The following EPHA5 variants were observed in gnomAD, a reference collection of about 807,000 sequenced individuals.
The protein encoded by EPHA5 is EPH receptor A5.
A neutral mutation model predicts 105.0 loss-of-function variants in EPHA5; 60 were observed. That is an observed-to-expected ratio of 0.57 (90% CI 0.46 to 0.71). EPHA5 has a LOEUF of 0.71. EPHA5 is among the 30% of genes least tolerant of loss of function. EPHA5 has a pLI of 0.00. For synonymous variants in EPHA5, 513 were observed against 449.1 expected, an observed-to-expected ratio of 1.14 and a Z score of -1.80; for missense variants, 1,218 against 1,274.7, an observed-to-expected ratio of 0.96 and a Z score of 0.68.
intron 3 of EPHA5, among the ~76,000 whole-genome samples, chr4:65,564,027 T>C (rs1192414773): frequency 6.6e-6 from 1 of 151,980 alleles, no homozygotes; most frequent in Non-Finnish European, 1.5e-5. Context: ...AACAAAATTA[T>C]CATCTGTTGT....
intron 2 of EPHA5, among the ~76,000 whole-genome samples, chr4:65,611,051 C>A (rs1220392966): frequency 6.6e-6 from 1 of 152,092 alleles, no homozygotes; most frequent in Non-Finnish European, 1.5e-5. Flanking sequence ...AGAGTGATTG[C>A]AATCTCAATT....
At chr4:65,418,816 T>G (rs77589230) in intron 6 of EPHA5, among the ~76,000 whole-genome samples, 6,402 of 149,844 alleles carry the variant, frequency 0.043, 163 homozygotes, top group African/African-American at 0.073. Context: ...TATTTTTGAA[T>G]TTTGTATACT....
chr4:65,472,361 G>C (rs1353297773), intron 5 of EPHA5, among the ~76,000 whole-genome samples: 2 of 152,058 alleles, frequency 1.3e-5, no homozygotes, highest in Non-Finnish European at 2.9e-5. Flanking sequence ...ACCATTCTGG[G>C]GTCTGAAGTG....
At chr4:65,433,214 T>A (rs1725143256) in intron 5 of EPHA5, among the ~76,000 whole-genome samples, 2 of 152,190 alleles carry the variant, frequency 1.3e-5, no homozygotes, top group Non-Finnish European at 2.9e-5. Context: ...TAAAATGACT[T>A]CCATGATATA....
chr4:65,423,637 T>C (rs1724141772), intron 5 of EPHA5, among the ~76,000 whole-genome samples: 1 of 151,680 alleles, frequency 6.6e-6, no homozygotes, highest in Non-Finnish European at 1.5e-5. Flanking sequence ...CCTATGTCTC[T>C]TTGATATACC....
rs145854803 is a variant in EPHA5 at position 65,516,540 on chromosome 4, C to CTG, written c.911-20999_911-20998dup. ...TAAAACCCTTGTCCAAGGGTCAACT[C>CTG]TGTGTGTGTGTGTGTGTTTGTGTGG... On this transcript the variant is annotated intron_variant, in intron 3 of 16. Transcript: ENST00000613740. Among the ~76,000 whole-genome samples, 319 of 150,608 alleles carry CTG rather than the reference C, an allele frequency of 2.1e-3. 1 individual carries two copies. The highest frequency in any genetic ancestry group is 3.3e-3 in the Admixed American group (50 of 15,076).
intron 11 of EPHA5, among the ~76,000 whole-genome samples, chr4:65,357,373 C>T (rs1274000167): frequency 6.6e-6 from 1 of 151,386 alleles, no homozygotes; most frequent in Non-Finnish European, 1.5e-5. Flanking sequence ...ACTGAGATGT[C>T]TACAAATTCA....
chr4:65,555,599 G>T (rs1372547883), intron 3 of EPHA5, among the ~76,000 whole-genome samples: 1 of 139,944 alleles, frequency 7.1e-6, no homozygotes, highest in Non-Finnish European at 1.5e-5. Flanking sequence ...AAAGTTACTA[G>T]TTTTGTTTTC....
At chr4:65,489,343 C>T (rs574728327) in intron 5 of EPHA5, among the ~76,000 whole-genome samples, 1 of 152,288 alleles carries the variant, frequency 6.6e-6, no homozygotes, top group African/African-American at 2.4e-5. Flanking sequence ...CAAACTTACA[C>T]TAATATTGTA....
intron 3 of EPHA5, among the ~76,000 whole-genome samples, chr4:65,516,680 C>A (rs1264803366): frequency 2.0e-5 from 3 of 152,010 alleles, no homozygotes; most frequent in African/African-American, 7.2e-5. Flanking sequence ...TATTCTTTTG[C>A]ATATATATTC....
At chr4:65,429,158 T>C (rs940352065) in intron 5 of EPHA5, among the ~76,000 whole-genome samples, 1 of 152,104 alleles carries the variant, frequency 6.6e-6, no homozygotes, top group African/African-American at 2.4e-5. Context: ...AAATAATTTT[T>C]ACAGTATTGT....
In EPHA5 at chr4:65,602,374, A is replaced by G. The variant is rs556707044; in HGVS notation, c.247-70T>C. The G allele has an allele frequency of 6.3e-6, 8 of 1,262,268 alleles. No homozygotes were observed. The South Asian group carries it at 1.2e-4, about 19-fold the overall frequency. The allele number at this position is 1,262,268 out of a possible 1,614,324, so 78.2% of individuals were successfully genotyped here. On this transcript the variant is annotated intron_variant, in intron 2 of 16. Coordinates refer to ENST00000613740, the MANE Select transcript of EPHA5 (RefSeq NM_001281766.3). ...AAAATAACAAGGAACTATAGCAAAA[A>G]TTATAAAAGAAAACTAACTGAGATA...
chr4:65,590,205 A>T (rs564469867), intron 3 of EPHA5, among the ~76,000 whole-genome samples: 1 of 152,254 alleles, frequency 6.6e-6, no homozygotes, highest in African/African-American at 2.4e-5. Flanking sequence ...TTTATAAACT[A>T]CACCTTTACA....
At chr4:65,529,384 A>T (rs1258541767) in intron 3 of EPHA5, among the ~76,000 whole-genome samples, 1 of 151,686 alleles carries the variant, frequency 6.6e-6, no homozygotes, top group Non-Finnish European at 1.5e-5. Context: ...TCATAAACAT[A>T]TATGTATACC....
chr4:65,328,539 A>G (rs538462693), intron 16 of EPHA5, among the ~76,000 whole-genome samples: 27 of 151,308 alleles, frequency 1.8e-4, no homozygotes, highest in Middle Eastern at 3.4e-3. Flanking sequence ...CTTAGCCCCA[A>G]CCAACATTGG....
chr4:65,507,796 C>T (rs186168646), intron 3 of EPHA5, among the ~76,000 whole-genome samples: 17 of 152,020 alleles, frequency 1.1e-4, no homozygotes, highest in Admixed American at 5.2e-4. Flanking sequence ...GATATACAAT[C>T]GGGAATGTTT....
At chr4:65,572,768 C>T (rs1429647358) in intron 3 of EPHA5, among the ~76,000 whole-genome samples, 3 of 151,666 alleles carry the variant, frequency 2.0e-5, no homozygotes, top group Non-Finnish European at 4.4e-5. Context: ...TGGTGGCTCA[C>T]GCCTATAATA....
At chr4:65,522,572 C>G (rs1734858429) in intron 3 of EPHA5, among the ~76,000 whole-genome samples, 1 of 151,822 alleles carries the variant, frequency 6.6e-6, no homozygotes, top group South Asian at 2.1e-4. Context: ...TAGTGAGGAA[C>G]AGGTTTATAG....
At chr4:65,464,984 A>G (rs1728473132) in intron 5 of EPHA5, among the ~76,000 whole-genome samples, 2 of 152,182 alleles carry the variant, frequency 1.3e-5, no homozygotes, top group South Asian at 4.1e-4. Flanking sequence ...CTTATAGCAT[A>G]GTAGAAGAGA....
Sources: allele counts gnomAD v4.1 joint callset (sites outside exome capture counted in the v4.1 genomes callset), GRCh38; gene constraint gnomAD v4.1.1; transcripts MANE v1.5; gene names NCBI Gene and HGNC (gene_info 2026-07-23, HGNC 2026-07-21).